The following THOC2 variants were observed in gnomAD, a reference collection of about 807,000 sequenced individuals.
The protein encoded by THOC2 is THO complex subunit 2.
In THOC2, 10 loss-of-function variants were observed where a neutral mutation model predicts 128.4. The ratio of observed to expected loss-of-function variants is 0.08; its 90% confidence interval spans 0.05 to 0.13. The LOEUF (loss-of-function observed/expected upper bound fraction) is 0.13, where lower values mean the gene tolerates loss of function less well. THOC2 is among the 10% of genes least tolerant of loss of function. THOC2 has a pLI of 1.00. For missense variants in THOC2, 535 were observed against 1,155.7 expected (o/e 0.46, Z 7.79); for synonymous variants, 393 against 396.9 (o/e 0.99, Z 0.12).
Position 123,634,000 on chromosome X carries a change from T to C in THOC2, c.2089A>G (p.Met697Val). The change falls in exon 20 of 39, where the codon ATG becomes GTG. Residue 697 changes from methionine to valine, a missense_variant. Met to Val is a conservative substitution (Grantham distance 21). Around this residue, in one of 9 missense-constraint regions of THOC2, gnomAD observed 90 missense variants for 298.6 expected, o/e 0.30. Transcript: ENST00000245838. ...AGIEITEEMT[M>V]EQLEAMTGGE... Reference sequence around the variant, plus strand: ...CCAGTCATAGCCTCTAGTTGCTCCATTGTCATTTCCTCTGTAATTTCTATT... The same window carrying C: ...CCAGTCATAGCCTCTAGTTGCTCCACTGTCATTTCCTCTGTAATTTCTATT... The C allele has an allele frequency of 3.3e-6, 4 of 1,208,270 alleles. No individual in the cohort carries two copies. Among genetic ancestry groups the C allele is most frequent in the Non-Finnish European group, 4.5e-6 (4 of 892,649 alleles).
chrX:123,626,548 G>A lies in THOC2; in HGVS notation c.2872C>T (p.Leu958=). The A allele has an allele frequency of 8.5e-7, 1 of 1,182,493 alleles. No individual in the cohort carries two copies. Among genetic ancestry groups the A allele is most frequent in the Non-Finnish European group, 1.1e-6 (1 of 886,823 alleles). The part of the protein sequence containing the change: ...HVQRVLQRLK[L]EKDNWLLAKS... ...GCTAAAAGCCAGTTGTCCTTTTCCA[G>A]TTTCAATCTCTGTAGAACTCTCTGT... Residue 958 remains leucine (L), a synonymous_variant, in exon 24 of 39, where the codon CTG becomes TTG. Transcript: ENST00000245838.
chrX:123,719,773 A>G lies in THOC2; in HGVS notation c.72-6865T>C, dbSNP rs187798062. Among the ~76,000 whole-genome samples the G allele has an allele frequency of 4.2e-3, 456 of 108,164 alleles. 2 individuals are homozygous for G. The highest frequency in any genetic ancestry group is 0.015 in the African/African-American group (434 of 29,847). The allele number at this position is 108,164 out of a possible 115,157, so 93.9% of individuals were successfully genotyped here. On this transcript the variant is annotated intron_variant, in intron 1 of 38. Transcript: ENST00000245838. Reference sequence around the variant, plus strand: ...ACATAGCAAGACCCTGTCTCTACAAAAAAAAAAAAAGAAAGAAATAGGCAT... The same window carrying G: ...ACATAGCAAGACCCTGTCTCTACAAGAAAAAAAAAAGAAAGAAATAGGCAT...
chrX:123,661,884 T>C (rs753448280), intron 12 of THOC2, among the ~76,000 whole-genome samples: 1 of 111,519 alleles, frequency 9.0e-6, no homozygotes, highest in East Asian at 2.8e-4. Flanking sequence ...CCCAGCTACT[T>C]GGGCTGCTGA....
Position 123,703,436 on chromosome X carries a change from T to C in THOC2, c.274+18A>G. 1 of 1,098,241 alleles carries C rather than the reference T, an allele frequency of 9.1e-7. No individual in the cohort carries two copies. Among genetic ancestry groups the C allele is most frequent in the Non-Finnish European group, 1.2e-6 (1 of 802,477 alleles). The allele number at this position is 1,098,241 out of a possible 1,213,427, so 90.5% of individuals were successfully genotyped here. A position where few individuals can be genotyped will look rare whatever the true frequency, so the allele number is the denominator to read the frequency against. On this transcript the variant is annotated intron_variant, in intron 4 of 38. Coordinates refer to ENST00000245838, the MANE Select transcript of THOC2 (RefSeq NM_001081550.2). Reference sequence around the variant, plus strand: ...ACCACACAGCACATTACAGGTGAAATAAAGGCTTAATACCTACCTAATATG... The same window carrying C: ...ACCACACAGCACATTACAGGTGAAACAAAGGCTTAATACCTACCTAATATG...
chrX:123,633,515 G>A (rs1200712881), intron 20 of THOC2, among the ~76,000 whole-genome samples: 1 of 111,345 alleles, frequency 9.0e-6, no homozygotes, highest in Non-Finnish European at 1.9e-5. Flanking sequence ...CAATTCTCCT[G>A]CCTCAGCCTC....
chrX:123,615,660 C>T (rs1241199560), intron 33 of THOC2, among the ~76,000 whole-genome samples: 14 of 105,956 alleles, frequency 1.3e-4, no homozygotes, highest in Admixed American at 1.0e-4. Context: ...AAAAAATACA[C>T]ACACACACAC....
intron 12 of THOC2, among the ~76,000 whole-genome samples, chrX:123,651,896 C>A (rs1047605333): frequency 2.7e-5 from 3 of 111,403 alleles, no homozygotes; most frequent in Non-Finnish European, 5.7e-5. Context: ...ACCATTCTTT[C>A]TGAAACTATT....
rs184174875 is a variant in THOC2, at chrX:123,606,171, C to T, written c.*18+4747G>A. On this transcript the variant is annotated intron_variant, in intron 38 of 38. Transcript: ENST00000245838. ...AGGTGCATTTTGCTGGCGGTGGTGG[C>T]TCACATGTGTAATCGTACCACTTTG... 2.4e-4 allele frequency among the ~76,000 whole-genome samples: 26 copies of T among 108,639 alleles called. No individual in the cohort carries two copies. The East Asian group carries it at 7.4e-3, about 31-fold the overall frequency. The allele number at this position is 108,639 out of a possible 115,157, so 94.3% of individuals were successfully genotyped here.
chrX:123,655,792 C>T (rs938279837), intron 12 of THOC2, among the ~76,000 whole-genome samples: 3 of 111,328 alleles, frequency 2.7e-5, no homozygotes, highest in East Asian at 2.8e-4. Context: ...TTTTACCAAG[C>T]GCCAACGTAT....
intron 3 of THOC2, among the ~76,000 whole-genome samples, chrX:123,704,526 T>C (rs1432679345): frequency 9.0e-6 from 1 of 111,620 alleles, no homozygotes; most frequent in African/African-American, 3.3e-5. Context: ...CAATATTCTC[T>C]TTATTTTCTT....
chrX:123,620,637 G>T, intron 32 of THOC2: 1 of 286,326 alleles, frequency 3.5e-6, no homozygotes, highest in East Asian at 5.4e-5. Flanking sequence ...GCTTAAAGCA[G>T]TTGAGGCACT....
rs146960819 is a variant in THOC2 at position 123,723,690 on chromosome X, A to G, written c.71+9262T>C. Among the ~76,000 whole-genome samples the G allele has an allele frequency of 4.3e-3, 480 of 112,235 alleles. 2 individuals carry two copies. The highest frequency in any genetic ancestry group is 0.015 in the African/African-American group (454 of 30,962). On this transcript the variant is annotated intron_variant, in intron 1 of 38. Transcript: ENST00000245838. Reference sequence around the variant, plus strand: ...TCATAACTGTTGAACAAAAGCAGCCAGAAACAGTAGGATAAATATTCAATG... The same window carrying G: ...TCATAACTGTTGAACAAAAGCAGCCGGAAACAGTAGGATAAATATTCAATG...
At chrX:123,656,330 TAAAAAAAAAAAA>T (rs758091588) in intron 12 of THOC2, among the ~76,000 whole-genome samples, 2 of 37,967 alleles carry the variant, frequency 5.3e-5, no homozygotes, top group African/African-American at 1.0e-4. Context: ...AGACTCCGTC[TAAAAAAAAAAAA>T]AAAAAAAAAA....
At chrX:123,630,672 G>A (rs1264082323) in intron 22 of THOC2, among the ~76,000 whole-genome samples, 2 of 98,066 alleles carry the variant, frequency 2.0e-5, no homozygotes, top group Non-Finnish European at 4.1e-5. Context: ...TTATCCTCAA[G>A]AGAGCCTGCT....
chrX:123,607,650 GGAT>G (rs1433515907), intron 38 of THOC2, among the ~76,000 whole-genome samples: 1 of 108,960 alleles, frequency 9.2e-6, no homozygotes, highest in Non-Finnish European at 1.9e-5. Context: ...GTGAAAATCA[GGAT>G]GATACTTACA....
intron 9 of THOC2, among the ~76,000 whole-genome samples, chrX:123,671,321 G>A: frequency 9.0e-6 from 1 of 111,536 alleles, no homozygotes; most frequent in Non-Finnish European, 1.9e-5. Context: ...ATAATAAAAA[G>A]GCTTAAAAAA....
At chrX:123,607,884 A>G (rs2046538013) in intron 38 of THOC2, among the ~76,000 whole-genome samples, 1 of 109,993 alleles carries the variant, frequency 9.1e-6, no homozygotes, top group African/African-American at 3.3e-5. Flanking sequence ...ATTCTTAAAG[A>G]AAAGGAAGAA....
intron 8 of THOC2, among the ~76,000 whole-genome samples, chrX:123,679,711 A>G (rs2049669121): frequency 9.0e-6 from 1 of 111,656 alleles, no homozygotes; most frequent in Admixed American, 9.5e-5. Context: ...TAGACATAGG[A>G]GGCTCCATTT....
intron 10 of THOC2, among the ~76,000 whole-genome samples, chrX:123,667,607 G>A (rs776681838): frequency 1.3e-4 from 14 of 110,565 alleles, no homozygotes; most frequent in South Asian, 3.9e-4. Flanking sequence ...GTGTGGTGGC[G>A]CATGCCTGTA....
Sources: allele counts gnomAD v4.1 joint callset (sites outside exome capture counted in the v4.1 genomes callset), GRCh38; gene constraint gnomAD v4.1.1; regional missense constraint gnomAD v4.1.1; transcripts MANE v1.5; gene names NCBI Gene and HGNC (gene_info 2026-07-23, HGNC 2026-07-21).